The following ZCWPW2 variants were observed in gnomAD, a reference collection of about 807,000 sequenced individuals.
ZCWPW2 encodes zinc finger CW-type and PWWP domain containing 2, also known as zinc finger CW-type PWWP domain protein 2.
A neutral mutation model predicts 46.6 loss-of-function variants in ZCWPW2; 45 were observed. That is an observed-to-expected ratio of 0.96 (90% CI 0.76 to 1.24). ZCWPW2 has a LOEUF of 1.24. Ranked by LOEUF, ZCWPW2 falls within the 50% of genes most tolerant of loss-of-function variation. The probability of loss-of-function intolerance (pLI) is 0.00; values close to 1 mark genes in which losing one functional copy is unlikely to be tolerated. For missense variants in ZCWPW2, 429 were observed against 403.9 expected, an observed-to-expected ratio of 1.06 and a Z score of -0.53; for synonymous variants, 152 against 137.1, an observed-to-expected ratio of 1.11 and a Z score of -0.76.
chr3:28,371,897 T>C (rs1388714079), intron 1 of ZCWPW2, among the ~76,000 whole-genome samples: 1 of 151,876 alleles, frequency 6.6e-6, no homozygotes, highest in Non-Finnish European at 1.5e-5. Context: ...GCCAGTTTCT[T>C]CTTCTCTTTC....
chr3:28,455,616 G>C (rs80069000), intron 4 of ZCWPW2, among the ~76,000 whole-genome samples: 3 of 151,278 alleles, frequency 2.0e-5, no homozygotes, highest in Admixed American at 6.6e-5. Context: ...TTATAGTTTT[G>C]GGTTTTACAT....
chr3:28,455,132 C>T (rs1048182009), intron 4 of ZCWPW2, among the ~76,000 whole-genome samples: 2 of 152,212 alleles, frequency 1.3e-5, no homozygotes, highest in African/African-American at 4.8e-5. Flanking sequence ...TTCTCTACAA[C>T]CTCACCAGCA....
chr3:28,363,968 T>C (rs1559474081), intron 1 of ZCWPW2, among the ~76,000 whole-genome samples: 1 of 152,174 alleles, frequency 6.6e-6, no homozygotes, highest in Non-Finnish European at 1.5e-5. Context: ...AGACTTACTC[T>C]ATCTCAAATT....
At chr3:28,362,672 T>C (rs1426099048) in intron 1 of ZCWPW2, among the ~76,000 whole-genome samples, 1 of 152,102 alleles carries the variant, frequency 6.6e-6, no homozygotes, top group Non-Finnish European at 1.5e-5. Flanking sequence ...TGGCAGTTCC[T>C]CAAAGAACTG....
At chr3:28,370,977 C>T (rs1166928410) in intron 1 of ZCWPW2, among the ~76,000 whole-genome samples, 1 of 152,108 alleles carries the variant, frequency 6.6e-6, no homozygotes, top group Non-Finnish European at 1.5e-5. Flanking sequence ...GGTGATCCGC[C>T]TGCCTCAGCT....
chr3:28,369,691 C>T (rs1443412744), intron 1 of ZCWPW2, among the ~76,000 whole-genome samples: 1 of 152,220 alleles, frequency 6.6e-6, no homozygotes, highest in Non-Finnish European at 1.5e-5. Flanking sequence ...AGCTGTCAGA[C>T]AGGGACATTT....
At chr3:28,490,798 A>G (rs537662502) in intron 5 of ZCWPW2, among the ~76,000 whole-genome samples, 157 of 152,256 alleles carry the variant, frequency 1.0e-3, no homozygotes, top group African/African-American at 3.5e-3. Context: ...TGGTTTATCA[A>G]TAAAGAGAGT....
intron 2 of ZCWPW2, among the ~76,000 whole-genome samples, chr3:28,405,061 T>G (rs1696104701): frequency 6.6e-6 from 1 of 152,204 alleles, no homozygotes; most frequent in South Asian, 2.1e-4. Context: ...CATTTAGACA[T>G]ATATTCTTAT....
intron 1 of ZCWPW2, among the ~76,000 whole-genome samples, chr3:28,370,444 A>G (rs1040308377): frequency 6.6e-5 from 10 of 152,254 alleles, no homozygotes; most frequent in African/African-American, 1.9e-4. Flanking sequence ...AGCTACAAGC[A>G]ATAGCATGGA....
chr3:28,466,791 C>G (rs1316986634), intron 4 of ZCWPW2, among the ~76,000 whole-genome samples: 2 of 152,060 alleles, frequency 1.3e-5, no homozygotes, highest in Admixed American at 6.6e-5. Context: ...GAGCAAGACT[C>G]TGTCTCAAAA....
At chr3:28,439,403 A>T (rs943101431) in intron 4 of ZCWPW2, among the ~76,000 whole-genome samples, 3 of 152,100 alleles carry the variant, frequency 2.0e-5, no homozygotes, top group Non-Finnish European at 4.4e-5. Flanking sequence ...GCATCTGATT[A>T]AATGGTGCCC....
At chr3:28,398,081 T>A (rs1258506413) in intron 2 of ZCWPW2, 1 of 152,218 alleles carries the variant, frequency 6.6e-6, no homozygotes, top group African/African-American at 2.4e-5. Context: ...GTAGACTGGG[T>A]GGCTTCAACA....
chr3:28,362,781 A>G (rs532687668), intron 1 of ZCWPW2, among the ~76,000 whole-genome samples: 6 of 152,306 alleles, frequency 3.9e-5, no homozygotes, highest in African/African-American at 1.4e-4. Context: ...GTTGAACACT[A>G]TTCAGAGTAG....
At chr3:28,357,764 T>TTA (rs963036253) in intron 1 of ZCWPW2, among the ~76,000 whole-genome samples, 9 of 148,938 alleles carry the variant, frequency 6.0e-5, no homozygotes, top group African/African-American at 2.2e-4. Flanking sequence ...CATAGGCCAA[T>TTA]TATATATACA....
In ZCWPW2 at chr3:28,478,887, C is replaced by T. The variant is rs372074895; in HGVS notation, c.566C>T (p.Ser189Phe). 52 of 1,587,636 alleles carry T rather than the reference C, an allele frequency of 3.3e-5. 1 individual carries two copies. Among genetic ancestry groups the T allele is most frequent in the Non-Finnish European group, 4.2e-5 (49 of 1,170,804 alleles). ...GAAGCATGTCTACTCTATGGATATT[C>T]TCATGAGCAAAGACTGGAAATGTGC... ...LQEACLLYGY[S>F]HEQRLEMCCL... Residue 189 changes from serine (S) to phenylalanine (F), a missense_variant, in exon 5 of 10, where the codon TCT becomes TTT. Coordinates refer to ENST00000383768, the MANE Select transcript of ZCWPW2 (RefSeq NM_001040432.4).
At chr3:28,378,557 A>G (rs1207354892) in intron 1 of ZCWPW2, among the ~76,000 whole-genome samples, 1 of 152,112 alleles carries the variant, frequency 6.6e-6, no homozygotes, top group Admixed American at 6.5e-5. Context: ...TATGATAAAG[A>G]GATGTTCAGA....
chr3:28,421,068 T>C (rs928387565), intron 3 of ZCWPW2, among the ~76,000 whole-genome samples: 2 of 152,166 alleles, frequency 1.3e-5, no homozygotes, highest in African/African-American at 4.8e-5. Flanking sequence ...AGGCTGCTTT[T>C]GCTACTGTGT....
At chr3:28,349,833 T>G (rs1475273521) in intron 1 of ZCWPW2, among the ~76,000 whole-genome samples, 5 of 152,222 alleles carry the variant, frequency 3.3e-5, no homozygotes, top group Non-Finnish European at 7.3e-5. Flanking sequence ...TTGTCATCTG[T>G]CCGCTTAACT....
chr3:28,459,098 C>T (rs1325162981), intron 4 of ZCWPW2, among the ~76,000 whole-genome samples: 8 of 152,112 alleles, frequency 5.3e-5, no homozygotes, highest in Non-Finnish European at 8.8e-5. Flanking sequence ...TGGCCAGGCA[C>T]GGTGGCTCAT....
Sources: allele counts gnomAD v4.1 joint callset (sites outside exome capture counted in the v4.1 genomes callset), GRCh38; gene constraint gnomAD v4.1.1; transcripts MANE v1.5; gene names NCBI Gene and HGNC (gene_info 2026-07-23, HGNC 2026-07-21).